The following ZMIZ2 variants were observed in gnomAD, a reference collection of about 807,000 sequenced individuals.
ZMIZ2 encodes the protein zinc finger MIZ-type containing 2.
Under a neutral mutation model 93.9 loss-of-function variants are expected in ZMIZ2, and 26 were observed. The ratio of observed to expected loss-of-function variants is 0.28; its 90% CI spans 0.20 to 0.38. ZMIZ2 has a LOEUF of 0.38. Ranked by LOEUF, ZMIZ2 falls within the 10% of genes least tolerant of loss-of-function variation. The pLI is 1.00. For missense variants in ZMIZ2, 1,023 were observed against 1,235.0 expected (o/e 0.83, Z 2.57); for synonymous variants, 485 against 516.4 (o/e 0.94, Z 0.82).
At chr7:44,753,498 G>A (rs1583610577) in intron 1 of ZMIZ2, among the ~76,000 whole-genome samples, 1 of 152,042 alleles carries the variant, frequency 6.6e-6, no homozygotes, top group South Asian at 2.1e-4. Flanking sequence ...CTCCTGCCTC[G>A]GCCTCCCAAA....
At chr7:44,755,342 G>T (rs151309927) in intron 1 of ZMIZ2, among the ~76,000 whole-genome samples, 50 of 152,272 alleles carry the variant, frequency 3.3e-4, no homozygotes, top group Middle Eastern at 3.4e-3. Context: ...TGTGCTGTGT[G>T]TCCCTGCCCT....
chr7:44,760,690 CAG>C (rs1207418908), intron 9 of ZMIZ2, 97 bp downstream of exon 9: 35 of 1,443,708 alleles, frequency 2.4e-5, no homozygotes, highest in South Asian at 3.9e-5. Context: ...GCTTGGGGGA[CAG>C]GGGATGGCTG....
chr7:44,749,411 C>T (rs1038891649), intron 1 of ZMIZ2, among the ~76,000 whole-genome samples: 2 of 152,164 alleles, frequency 1.3e-5, no homozygotes, highest in African/African-American at 2.4e-5. Flanking sequence ...CATGGTACGC[C>T]CCTCCGCTCC....
intron 8 of ZMIZ2, 82 bp downstream of exon 8, chr7:44,760,310 G>A: frequency 1.3e-6 from 2 of 1,564,766 alleles, no homozygotes; most frequent in Non-Finnish European, 1.7e-6. Context: ...AGGCACCCCT[G>A]GGGCCGCCTC....
intron 6 of ZMIZ2, among the ~76,000 whole-genome samples, chr7:44,758,403 T>C (rs1235952539): frequency 6.8e-6 from 1 of 147,756 alleles, no homozygotes; most frequent in Non-Finnish European, 1.5e-5. Flanking sequence ...CCCAGAAAGT[T>C]GAGGGTGCAG....
At chr7:44,762,821 C>A (rs1562741958) in intron 11 of ZMIZ2, 60 bp from the exon 12 acceptor site, 16 of 1,438,308 alleles carry the variant, frequency 1.1e-5, no homozygotes, top group Non-Finnish European at 1.5e-5. Context: ...ACACCCTTTA[C>A]CTGGCCAGGG....
Position 44,765,213 on chromosome 7 carries a change from G to A in ZMIZ2, c.1998-122G>A. 6.5e-7 allele frequency: 1 copy of A among 1,541,480 alleles called. No homozygotes were observed. The highest frequency in any genetic ancestry group is 8.8e-7 in the Non-Finnish European group (1 of 1,140,456). On this transcript the variant is annotated intron_variant, in intron 15 of 18. Transcript: ENST00000309315. The surrounding 1 kb of genome is among the most constrained non-coding windows in gnomAD (Gnocchi z 4.1). Reference sequence around the variant, plus strand: ...CGTCCTGCTCGATGTGGAAGGTGCTGGGTGGAAGCAAGCATTTGAGTGGGG... The same window carrying A: ...CGTCCTGCTCGATGTGGAAGGTGCTAGGTGGAAGCAAGCATTTGAGTGGGG...
intron 3 of ZMIZ2, 160 bp from the exon 4 acceptor site, chr7:44,756,787 C>T: frequency 1.1e-6 from 1 of 946,016 alleles, no homozygotes; most frequent in Non-Finnish European, 1.6e-6. Context: ...CCCCAACCTC[C>T]CTGTGGACAG....
intron 3 of ZMIZ2, 154 bp downstream of exon 3, chr7:44,756,693 C>A: frequency 1.2e-6 from 1 of 833,014 alleles, no homozygotes; most frequent in Non-Finnish European, 1.9e-6. Flanking sequence ...CCTCCTGAGT[C>A]CCCTAAGTCT....
Position 44,763,705 on chromosome 7 carries a change from C to G in ZMIZ2, c.1860+292C>G, listed in dbSNP as rs992574017. ...AGGGTCCAGTCTTCCTGCCCTACCC[C>G]CAAGGGTGACCATCGTTAGCATCTG... On this transcript the variant is annotated intron_variant, in intron 13 of 18. Transcript: ENST00000309315. This position sits in a 1 kb window ranked among gnomAD's most constrained non-coding sequence, Gnocchi z 5.6. 1.0e-5 allele frequency: 4 copies of G among 397,092 alleles called. No homozygotes were observed. The highest frequency in any genetic ancestry group is 7.7e-5 in the South Asian group (2 of 26,014). The allele number at this position is 397,092 out of a possible 1,614,324, so 24.6% of individuals were successfully genotyped here.
chr7:44,762,885 A>G lies in ZMIZ2; in HGVS notation c.1601A>G (p.His534Arg). The G allele has an allele frequency of 6.2e-7, 1 of 1,604,774 alleles. No homozygotes were observed. Among genetic ancestry groups the G allele is most frequent in the Non-Finnish European group, 8.5e-7 (1 of 1,174,972 alleles). ...CATCCTCCCGTTGTATTGCAGTCCC[A>G]CCTCTTCGTGCTGCAGCTAGTGCAC... Reference protein sequence around the residue: ...QITVTACCCSHLFVLQLVHRP... With the variant: ...QITVTACCCSRLFVLQLVHRP... Residue 534 changes from histidine (H) to arginine (R), a missense_variant, in exon 12 of 19, where the codon CAC (histidine) becomes CGC (arginine). By Grantham distance (29) the His-to-Arg change is conservative. Transcript: ENST00000309315.
At position 44,763,448 on chromosome 7, in the gene ZMIZ2, C is replaced by T. The variant is rs371052494; in HGVS notation, c.1860+35C>T. 5 of 1,610,510 alleles carry T rather than the reference C, an allele frequency of 3.1e-6. No homozygotes were observed. The highest frequency in any genetic ancestry group is 4.2e-6 in the Non-Finnish European group (5 of 1,177,552). On this transcript the variant is annotated intron_variant, in intron 13 of 18. Transcript: ENST00000309315. This position sits in a 1 kb window ranked among gnomAD's most constrained non-coding sequence, Gnocchi z 5.6. ...TACTGCAGAGTCTTGCCGGAATTTG[C>T]TGCTGCTAAAATATCTTGAGTCGAT...
chr7:44,755,157 T>C (rs1485057306), intron 1 of ZMIZ2, among the ~76,000 whole-genome samples: 1 of 152,190 alleles, frequency 6.6e-6, no homozygotes, highest in Non-Finnish European at 1.5e-5. Context: ...ACTGTGGTCC[T>C]GCATGCGTCC....
At chr7:44,759,244 C>CT in intron 6 of ZMIZ2, 37 bp from the exon 7 acceptor site, 2 of 1,460,626 alleles carry the variant, frequency 1.4e-6, no homozygotes, top group Non-Finnish European at 9.1e-7. Context: ...CCCCTGATGC[C>CT]TTTTTTCTCC....
Position 44,766,401 on chromosome 7 carries a change from ATTC to A in ZMIZ2, c.2413-15_2413-13del, listed in dbSNP as rs1160836389. On this transcript the variant is annotated splice_polypyrimidine_tract_variant and intron_variant, in intron 17 of 18. Transcript: ENST00000309315. This position sits in a 1 kb window ranked among gnomAD's most constrained non-coding sequence, Gnocchi z 4.4. ...GGGAGCCCCTGAGCTGTTTTAACAA[ATTC>A]TTCTCTCTGTCTTCAGATGGCACCA... 5 of 1,613,764 alleles carry A rather than the reference ATTC, an allele frequency of 3.1e-6. No individual in the cohort carries two copies. The highest frequency in any genetic ancestry group is 1.1e-5 in the South Asian group (1 of 91,080).
rs1027053870 is a variant in ZMIZ2, at chr7:44,767,949, C to T, written c.*326C>T. ...TCACGCCCCTGGTCTCACAGCCTCACACCTTGTCCTTCCACCCCTGCCTGC... is the reference window on the plus strand; with the variant it reads ...TCACGCCCCTGGTCTCACAGCCTCATACCTTGTCCTTCCACCCCTGCCTGC... On this transcript the variant is annotated 3_prime_UTR_variant, in exon 19 of 19. Coordinates refer to ENST00000309315, the MANE Select transcript of ZMIZ2 (RefSeq NM_031449.4). 3 of 412,606 alleles carry T rather than the reference C, an allele frequency of 7.3e-6. No homozygotes were observed. The highest frequency in any genetic ancestry group is 6.1e-5 in the African/African-American group (3 of 49,018). 25.6% of individuals were successfully genotyped at this position (412,606 alleles called of 1,614,324 possible).
rs1346821254 is a variant in ZMIZ2, at chr7:44,767,659, C to G, written c.*36C>G. 1 of 1,565,526 alleles carries G rather than the reference C, an allele frequency of 6.4e-7. No individual in the cohort carries two copies. Among genetic ancestry groups the G allele is most frequent in the Non-Finnish European group, 8.8e-7 (1 of 1,136,682 alleles). ...ACCCCAAGCCCGGCGGGGACACGCT[C>G]ACAGATGTCACCACAGCCCTGCCCT... On this transcript the variant is annotated 3_prime_UTR_variant, in exon 19 of 19. Transcript: ENST00000309315.
chr7:44,766,244 A>G lies in ZMIZ2; in HGVS notation c.2323A>G (p.Thr775Ala), dbSNP rs533612049. Residue 775 changes from threonine to alanine, a missense_variant, in exon 17 of 19, where the codon ACC (threonine) becomes GCC (alanine). Transcript: ENST00000309315. This position sits in a 1 kb window ranked among gnomAD's most constrained non-coding sequence, Gnocchi z 4.4. ...TPSTPTLAEF[T>A]PGPPPISYQS... ...CAGCACCCCAACCCTTGCTGAGTTC[A>G]CCCCGGGACCACCCCCCATCTCCTA... 45 of 1,601,290 alleles carry G rather than the reference A, an allele frequency of 2.8e-5. No individual in the cohort carries two copies. In the East Asian group the frequency reaches 8.9e-4, roughly 32 times the overall value.
At position 44,767,842 on chromosome 7, in the gene ZMIZ2, C is replaced by T. The variant is rs999193173; in HGVS notation, c.*219C>T. On this transcript the variant is annotated 3_prime_UTR_variant, in exon 19 of 19. Coordinates refer to ENST00000309315, the MANE Select transcript of ZMIZ2 (RefSeq NM_031449.4). ...CAGGCCGGCAGCCCTTGCCACCTCCCTCTGCCAAGCCTGCTGCTGCAGAAC... is the reference window on the plus strand; with the variant it reads ...CAGGCCGGCAGCCCTTGCCACCTCCTTCTGCCAAGCCTGCTGCTGCAGAAC... 1.0e-5 allele frequency: 6 copies of T among 589,864 alleles called. No homozygotes were observed. The highest frequency in any genetic ancestry group is 1.8e-5 in the Non-Finnish European group (6 of 330,110). 36.5% of individuals were successfully genotyped at this position (589,864 alleles called of 1,614,324 possible). A position where few individuals can be genotyped will look rare whatever the true frequency, so the allele number is the denominator to read the frequency against.
Sources: allele counts gnomAD v4.1 joint callset (sites outside exome capture counted in the v4.1 genomes callset), GRCh38; gene constraint gnomAD v4.1.1; non-coding constraint Gnocchi (gnomAD v3.1); transcripts MANE v1.5; gene names NCBI Gene and HGNC (gene_info 2026-07-23, HGNC 2026-07-21).